Variants in CYB5RL observed in about 807,000 individuals in gnomAD.
The protein encoded by CYB5RL is NADH-cytochrome b5 reductase-like.
CYB5RL carries 38 observed loss-of-function variants against 37.5 expected under a neutral mutation model. The observed-to-expected ratio is 1.01, with a 90% CI of 0.78 to 1.33. CYB5RL has a LOEUF of 1.33. Among genes scored for constraint, CYB5RL ranks in the 40% most tolerant of loss-of-function variants. The probability of loss-of-function intolerance (pLI) is 0.00; values close to 1 mark genes in which losing one functional copy is unlikely to be tolerated. For synonymous variants in CYB5RL, 141 were observed against 151.9 expected (o/e 0.93, Z 0.53); for missense variants, 388 against 394.4 (o/e 0.98, Z 0.14).
At chr1:54,174,866 G>A (rs886390154) in intron 7 of CYB5RL, 44 bp from the exon 8 acceptor site, 3 of 1,583,858 alleles carry the variant, frequency 1.9e-6, no homozygotes, top group Non-Finnish European at 2.6e-6. Context: ...GGGAGCGGGG[G>A]GTCCTTAGTG....
At chr1:54,175,388 T>C (rs1659995054) in intron 7 of CYB5RL, among the ~76,000 whole-genome samples, 1 of 152,186 alleles carries the variant, frequency 6.6e-6, no homozygotes, top group African/African-American at 2.4e-5. Flanking sequence ...TCACAATGCC[T>C]TCACTGAGAA....
rs1188202449 is a variant in CYB5RL at position 54,182,982 on chromosome 1, A to C, written c.540+1179T>G. 4.6e-5 allele frequency among the ~76,000 whole-genome samples: 7 copies of C among 152,222 alleles called. No individual in the cohort carries two copies. In the South Asian group the frequency reaches 1.0e-3, roughly 23 times the overall value. On this transcript the variant is annotated intron_variant, in intron 6 of 7. Coordinates refer to ENST00000534324, the MANE Select transcript of CYB5RL (RefSeq NM_001031672.4). ...TAGGTGTTCGCTGCAAATGATTTAG[A>C]AAGTATAATGAAGAAAATAAAAATC... is the stretch of plus-strand genomic sequence containing the variant.
At chr1:54,190,282 A>G (rs1042204490) in intron 4 of CYB5RL, among the ~76,000 whole-genome samples, 8 of 152,200 alleles carry the variant, frequency 5.3e-5, no homozygotes, top group African/African-American at 1.9e-4. Flanking sequence ...TTAGCTATGT[A>G]GTGCTGGGCA....
chr1:54,183,640 G>A (rs888605111), intron 6 of CYB5RL, among the ~76,000 whole-genome samples: 9 of 152,144 alleles, frequency 5.9e-5, no homozygotes, highest in Non-Finnish European at 1.2e-4. Flanking sequence ...AGCAATGGCC[G>A]CCCTGGGTAG....
At chr1:54,178,369 C>T (rs1005070386) in intron 7 of CYB5RL, among the ~76,000 whole-genome samples, 3 of 152,182 alleles carry the variant, frequency 2.0e-5, no homozygotes, top group African/African-American at 7.2e-5. Context: ...CAGCAGGAAT[C>T]CCAACCCAGA....
At position 54,173,117 on chromosome 1, in the gene CYB5RL, C is replaced by T. The variant is rs1183861133; in HGVS notation, c.*1502G>A. ...AAGGTCACACACAGTACTCCATGCTCTCTGACCCTGGAACTCTGCCTGTGA... is the reference window on the plus strand; with the variant it reads ...AAGGTCACACACAGTACTCCATGCTTTCTGACCCTGGAACTCTGCCTGTGA... On this transcript the variant is annotated 3_prime_UTR_variant, in exon 8 of 8. Coordinates refer to ENST00000534324, the MANE Select transcript of CYB5RL (RefSeq NM_001031672.4). 1 of 152,232 alleles carries T rather than the reference C, an allele frequency of 6.6e-6. No individual in the cohort carries two copies. Among genetic ancestry groups the T allele is most frequent in the African/African-American group, 2.4e-5 (1 of 41,460 alleles). 9.4% of individuals were successfully genotyped at this position (152,232 alleles called of 1,614,324 possible).
At chr1:54,181,503 G>A (rs1660160477) in intron 6 of CYB5RL, among the ~76,000 whole-genome samples, 1 of 152,254 alleles carries the variant, frequency 6.6e-6, no homozygotes, top group Admixed American at 6.5e-5. Flanking sequence ...GAAGACGACT[G>A]CAGAGCAGCA....
chr1:54,193,347 T>C (rs1284628964), intron 3 of CYB5RL, among the ~76,000 whole-genome samples: 1 of 151,216 alleles, frequency 6.6e-6, no homozygotes. Flanking sequence ...TACATCTAGA[T>C]GGTGTCTGGT....
At chr1:54,190,625 A>G in intron 4 of CYB5RL, 123 bp downstream of exon 4, 3 of 1,226,686 alleles carry the variant, frequency 2.4e-6, no homozygotes, top group Non-Finnish European at 3.5e-6. Context: ...ATGTGTCACT[A>G]TGTCTATCTT....
intron 6 of CYB5RL, chr1:54,180,236 A>AG (rs1491018891): frequency 2.2e-5 from 2 of 89,094 alleles, no homozygotes; most frequent in South Asian, 1.4e-4. Flanking sequence ...GATTCCATCT[A>AG]AAAAAAAAAA....
At chr1:54,183,337 C>T (rs952636639) in intron 6 of CYB5RL, among the ~76,000 whole-genome samples, 2 of 152,140 alleles carry the variant, frequency 1.3e-5, no homozygotes, top group African/African-American at 4.8e-5. Flanking sequence ...TTCTATAGGA[C>T]GGACTTCCAT....
Position 54,174,918 on chromosome 1 carries a change from G to A in CYB5RL, c.745-96C>T, listed in dbSNP as rs916905204. 6.6e-6 allele frequency: 9 copies of A among 1,364,964 alleles called. No homozygotes were observed. In the African/African-American group the frequency reaches 1.2e-4, roughly 17 times the overall value. 84.6% of individuals were successfully genotyped at this position (1,364,964 alleles called of 1,614,324 possible). A position where few individuals can be genotyped will look rare whatever the true frequency, so the allele number is the denominator to read the frequency against. On this transcript the variant is annotated intron_variant, in intron 7 of 7. Coordinates refer to ENST00000534324, the MANE Select transcript of CYB5RL (RefSeq NM_001031672.4). ...TCCTCTGCAAAATGAGGAAACCAAG[G>A]CAGAGGGTGTAGGAAGCCAACCTAT... is the stretch of plus-strand genomic sequence containing the variant.
At chr1:54,175,578 A>G (rs1388104915) in intron 7 of CYB5RL, 2 of 369,728 alleles carry the variant, frequency 5.4e-6, no homozygotes, top group East Asian at 7.4e-5. Context: ...GGAGTACAAC[A>G]TATGTGTAGA....
intron 5 of CYB5RL, chr1:54,186,028 G>C (rs1643893251): frequency 6.2e-6 from 1 of 162,014 alleles, no homozygotes; most frequent in Non-Finnish European, 1.3e-5. Flanking sequence ...TGCCATGATT[G>C]TGAGGCCTCC....
rs1644000385 is a variant in CYB5RL at position 54,195,574 on chromosome 1, A to G, written c.43T>C (p.Trp15Arg). ...REEDDDTEEA[W>R]MQLRPTEPLP... The stretch of plus-strand genomic sequence containing the variant: ...GGTTCTGTGGGCCGTAGCTGCATCC[A>G]GGCTTCCTCAGTGTCGTCGTCCTCT... Residue 15 changes from tryptophan to arginine, a missense_variant, in exon 3 of 8, where the codon TGG becomes CGG. By Grantham distance (101) the Trp-to-Arg change is moderately radical. Coordinates refer to ENST00000534324, the MANE Select transcript of CYB5RL (RefSeq NM_001031672.4). 1 of 1,613,390 alleles carries G rather than the reference A, an allele frequency of 6.2e-7. No homozygotes were observed.
intron 5 of CYB5RL, among the ~76,000 whole-genome samples, chr1:54,187,244 G>C (rs1052476156): frequency 6.6e-6 from 1 of 152,094 alleles, no homozygotes; most frequent in African/African-American, 2.4e-5. Context: ...CTGGCTCTCA[G>C]GCTGGGTATA....
intron 5 of CYB5RL, 151 bp downstream of exon 5, chr1:54,187,501 T>C (rs1229424122): frequency 2.8e-6 from 2 of 704,178 alleles, no homozygotes; most frequent in African/African-American, 1.8e-5. Context: ...TCCTTCCTTC[T>C]GTTCCAGGAC....
intron 4 of CYB5RL, 135 bp from the exon 5 acceptor site, chr1:54,187,874 G>T: frequency 1.4e-6 from 1 of 694,608 alleles, no homozygotes. Flanking sequence ...TCAGGAGTTT[G>T]AGACCAGCCT....
rs138187492 is a variant in CYB5RL, at chr1:54,197,787, C to T, written c.-222-1296G>A. On this transcript the variant is annotated intron_variant, in intron 1 of 7. Coordinates refer to ENST00000534324, the MANE Select transcript of CYB5RL (RefSeq NM_001031672.4). Reference sequence around the variant, plus strand: ...CTGTAATCCCAGCACTTTGGGAGGCCAAGGTGGGTGGATCACGAGGTCAGG... The same window carrying T: ...CTGTAATCCCAGCACTTTGGGAGGCTAAGGTGGGTGGATCACGAGGTCAGG... 3.6e-3 allele frequency among the ~76,000 whole-genome samples: 541 copies of T among 152,006 alleles called. 6 individuals are homozygous for T. Among genetic ancestry groups the T allele is most frequent in the African/African-American group, 0.013 (522 of 41,456 alleles).
Sources: gnomAD v4.1 joint callset for allele counts (sites outside exome capture counted in the v4.1 genomes callset) on GRCh38, gnomAD v4.1.1 for gene constraint, MANE v1.5 for transcripts, NCBI Gene and HGNC (gene_info 2026-07-23, HGNC 2026-07-21) for gene names.